The following SHISA6 variants were observed in gnomAD, a reference collection of about 807,000 sequenced individuals.
SHISA6 encodes protein shisa-6.
SHISA6 carries 22 observed loss-of-function variants against 47.9 expected under a neutral mutation model. The observed-to-expected ratio is 0.46, with a 90% CI of 0.33 to 0.66. The LOEUF (loss-of-function observed/expected upper bound fraction) is 0.66. Among genes scored for constraint, SHISA6 ranks in the 30% least tolerant of loss-of-function variants. The pLI is 0.02. For synonymous variants in SHISA6, 388 were observed against 337.8 expected, an observed-to-expected ratio of 1.15 and a Z score of -1.63; for missense variants, 680 against 764.6, an observed-to-expected ratio of 0.89 and a Z score of 1.30.
chr17:11,365,168 C>T (rs955482690), intron 2 of SHISA6, among the ~76,000 whole-genome samples: 5 of 152,104 alleles, frequency 3.3e-5, no homozygotes, highest in Admixed American at 6.6e-5. Flanking sequence ...ATTATAGCTA[C>T]TGTTATTATC....
intron 2 of SHISA6, among the ~76,000 whole-genome samples, chr17:11,335,377 C>T (rs571796130): frequency 6.6e-6 from 1 of 152,292 alleles, no homozygotes; most frequent in East Asian, 1.9e-4. Flanking sequence ...GCTCCTTCTC[C>T]AGGCTTACAC....
chr17:11,275,933 C>T (rs1908872416), intron 2 of SHISA6, among the ~76,000 whole-genome samples: 1 of 151,686 alleles, frequency 6.6e-6, no homozygotes, highest in South Asian at 2.1e-4. Context: ...ATGTGGTTTT[C>T]ATAATCACTC....
intron 3 of SHISA6, among the ~76,000 whole-genome samples, chr17:11,450,562 G>A (rs1311426959): frequency 6.6e-6 from 1 of 152,024 alleles, no homozygotes; most frequent in Non-Finnish European, 1.5e-5. Flanking sequence ...GGGAGACTGA[G>A]GCAGGAGAAT....
chr17:11,542,746 C>T (rs919718863), intron 3 of SHISA6, among the ~76,000 whole-genome samples: 2 of 152,150 alleles, frequency 1.3e-5, no homozygotes, highest in Admixed American at 1.3e-4. Flanking sequence ...TAAGTGTAAG[C>T]TCAGTGCCTT....
chr17:11,361,468 C>T (rs1912283706), intron 2 of SHISA6, among the ~76,000 whole-genome samples: 1 of 152,198 alleles, frequency 6.6e-6, no homozygotes, highest in African/African-American at 2.4e-5. Context: ...ACCCAGCTCC[C>T]TACTGAGTGA....
intron 2 of SHISA6, among the ~76,000 whole-genome samples, chr17:11,351,157 G>A (rs888698829): frequency 1.3e-5 from 2 of 152,064 alleles, no homozygotes; most frequent in Non-Finnish European, 2.9e-5. Flanking sequence ...GGGGAACAAG[G>A]GGAAGGAGAG....
At chr17:11,295,394 C>T (rs1391339946) in intron 2 of SHISA6, among the ~76,000 whole-genome samples, 1 of 152,174 alleles carries the variant, frequency 6.6e-6, no homozygotes, top group Admixed American at 6.5e-5. Flanking sequence ...TCTGAATTCC[C>T]TGCTCTTGGC....
At chr17:11,269,970 AT>A (rs1345933644) in intron 2 of SHISA6, among the ~76,000 whole-genome samples, 21 of 152,094 alleles carry the variant, frequency 1.4e-4, no homozygotes, top group Admixed American at 1.2e-3. Context: ...ATTTATTTTT[AT>A]TTTGTAAGTT....
Position 11,449,810 on chromosome 17 carries a change from CG to C in SHISA6, c.895+70302del, listed in dbSNP as rs568496080. ...GCTTCTGGTGACAGCTGGCAACCCT[CG>C]TTCTTCCTTGGCGATAGATGTTTCA... is the stretch of plus-strand genomic sequence containing the variant. On this transcript the variant is annotated intron_variant, in intron 3 of 5. Coordinates refer to ENST00000441885, the MANE Select transcript of SHISA6 (RefSeq NM_207386.4). Among the ~76,000 whole-genome samples the C allele has an allele frequency of 1.1e-3, 164 of 152,328 alleles. 1 individual carries two copies. The highest frequency in any genetic ancestry group is 3.7e-3 in the African/African-American group (153 of 41,584).
chr17:11,432,715 A>G (rs544298649), intron 3 of SHISA6, among the ~76,000 whole-genome samples: 1 of 152,370 alleles, frequency 6.6e-6, no homozygotes, highest in African/African-American at 2.4e-5. Flanking sequence ...ACCCATAAAA[A>G]GAATGAAGTG....
intron 4 of SHISA6, among the ~76,000 whole-genome samples, chr17:11,555,194 A>G (rs2142390112): frequency 6.6e-6 from 1 of 152,036 alleles, no homozygotes; most frequent in African/African-American, 2.4e-5. Flanking sequence ...CTTGGAGAGG[A>G]GAAAGGGGCT....
At chr17:11,250,225 T>G (rs1475379804) in intron 1 of SHISA6, among the ~76,000 whole-genome samples, 2 of 152,198 alleles carry the variant, frequency 1.3e-5, no homozygotes. Flanking sequence ...ACGGGATGTA[T>G]GCAGTGAGGC....
chr17:11,375,984 C>T (rs997161899), intron 2 of SHISA6, among the ~76,000 whole-genome samples: 1 of 152,112 alleles, frequency 6.6e-6, no homozygotes, highest in Non-Finnish European at 1.5e-5. Context: ...TGTGTCTGTC[C>T]GTCCTGTGAC....
At chr17:11,492,500 C>T (rs2071372517) in intron 3 of SHISA6, among the ~76,000 whole-genome samples, 1 of 152,100 alleles carries the variant, frequency 6.6e-6, no homozygotes, top group Non-Finnish European at 1.5e-5. Context: ...TTTCTCTAAG[C>T]CCCCAATTTT....
At chr17:11,456,989 T>C (rs182670037) in intron 3 of SHISA6, among the ~76,000 whole-genome samples, 1 of 152,340 alleles carries the variant, frequency 6.6e-6, no homozygotes, top group East Asian at 1.9e-4. Flanking sequence ...TCTTTGCCAC[T>C]ACCTACAATC....
chr17:11,493,310 A>T (rs934744236), intron 3 of SHISA6, among the ~76,000 whole-genome samples: 1 of 151,972 alleles, frequency 6.6e-6, no homozygotes, highest in Non-Finnish European at 1.5e-5. Context: ...TCACTGCAGT[A>T]TCCACCACGG....
chr17:11,329,484 T>C (rs529899392), intron 2 of SHISA6, among the ~76,000 whole-genome samples: 1 of 152,252 alleles, frequency 6.6e-6, no homozygotes, highest in East Asian at 1.9e-4. Flanking sequence ...AATTAATACA[T>C]TTTTGGCCCT....
chr17:11,273,567 G>A (rs548939339), intron 2 of SHISA6, among the ~76,000 whole-genome samples: 24 of 152,360 alleles, frequency 1.6e-4, no homozygotes, highest in African/African-American at 5.5e-4. Flanking sequence ...CAACTTCCAA[G>A]GTCCTACTTT....
chr17:11,504,060 A>C (rs74554572), intron 3 of SHISA6, among the ~76,000 whole-genome samples: 3,333 of 152,284 alleles, frequency 0.022, 117 homozygotes, highest in African/African-American at 0.075. Context: ...TGCATGAGTT[A>C]TTACCAAAAA....
Sources: allele counts gnomAD v4.1 joint callset (sites outside exome capture counted in the v4.1 genomes callset), GRCh38; gene constraint gnomAD v4.1.1; transcripts MANE v1.5; gene names NCBI Gene and HGNC (gene_info 2026-07-23, HGNC 2026-07-21).